PSD: variants seen among roughly 807,000 people sequenced by gnomAD.
The protein encoded by PSD is PH and SEC7 domain-containing protein 1.
Under a neutral mutation model 91.6 loss-of-function variants are expected in PSD, and 32 were observed. The observed-to-expected ratio is 0.35, with a 90% CI of 0.26 to 0.47. The LOEUF (loss-of-function observed/expected upper bound fraction) is 0.47, where lower values mean the gene tolerates loss of function less well. Ranked by LOEUF, PSD falls within the 20% of genes least tolerant of loss-of-function variation. The probability of loss-of-function intolerance (pLI) is 1.00; values close to 1 mark genes in which losing one functional copy is unlikely to be tolerated. For synonymous variants in PSD, 532 were observed against 569.3 expected, an observed-to-expected ratio of 0.93 and a Z score of 0.93; for missense variants, 1,099 against 1,373.9, an observed-to-expected ratio of 0.80 and a Z score of 3.16.
intron 10 of PSD, among the ~76,000 whole-genome samples, chr10:102,407,699 G>A (rs993024037): frequency 6.6e-6 from 1 of 152,102 alleles, no homozygotes; most frequent in African/African-American, 2.4e-5. Flanking sequence ...TCCACAGGAT[G>A]AGCCCACACA....
rs748763157 is a variant in PSD, at chr10:102,415,168, A to G, written c.819T>C (p.Ser273=). 1 of 1,613,266 alleles carries G rather than the reference A, an allele frequency of 6.2e-7. No individual in the cohort carries two copies. The highest frequency in any genetic ancestry group is 1.7e-5 in the Admixed American group (1 of 60,022). Residue 273 remains serine (S), a synonymous_variant, in exon 4 of 17, where the codon TCT becomes TCC. Coordinates refer to ENST00000020673, the MANE Select transcript of PSD (RefSeq NM_002779.5). ...SPPGVGSRQG[S]GVAVGRAAKY... is the part of the protein sequence containing the mutation. Reference sequence around the variant, plus strand: ...TGGCTGCTCGCCCCACAGCCACCCCAGAGCCCTGCCTTGAGCCCACCCCAG... The same window carrying G: ...TGGCTGCTCGCCCCACAGCCACCCCGGAGCCCTGCCTTGAGCCCACCCCAG...
chr10:102,415,927 G>A (rs917190374), intron 3 of PSD, 90 bp downstream of exon 3: 2 of 910,752 alleles, frequency 2.2e-6, no homozygotes, highest in African/African-American at 3.4e-5. Context: ...CCAAGGATTG[G>A]GGGAAGTTTG....
intron 1 of PSD, among the ~76,000 whole-genome samples, chr10:102,417,395 G>A (rs2061494027): frequency 1.3e-5 from 2 of 152,098 alleles, no homozygotes; most frequent in Admixed American, 6.5e-5. Context: ...CTTCAAAGTT[G>A]AGTGAGCCCG....
chr10:102,418,604 T>G, intron 1 of PSD, 97 bp downstream of exon 1: 1 of 420,230 alleles, frequency 2.4e-6, no homozygotes, highest in Non-Finnish European at 4.9e-6. Flanking sequence ...GGGGCAGAGG[T>G]CAGGAGTAGC....
Position 102,404,891 on chromosome 10 carries a change from C to T in PSD, c.2555+7G>A. On this transcript the variant is annotated splice_region_variant and intron_variant, in intron 14 of 16. Transcript: ENST00000020673. This position sits in a 1 kb window ranked among gnomAD's most constrained non-coding sequence, Gnocchi z 5.7. ...GGGTCCGGGATGGGCAGGAGGAGGG[C>T]ACTCACGGGGCCTGGAAGAGGAAGA... 3 of 1,611,536 alleles carry T rather than the reference C, an allele frequency of 1.9e-6. No homozygotes were observed. The highest frequency in any genetic ancestry group is 1.7e-6 in the Non-Finnish European group (2 of 1,178,784).
chr10:102,418,946 A>C (rs2061522086), upstream of PSD: 1 of 335,982 alleles, frequency 3.0e-6, no homozygotes, highest in South Asian at 2.1e-5. Context: ...CCGCCAACCT[A>C]AGACCCGCCC....
At chr10:102,408,136 G>A (rs534678812) in intron 10 of PSD, among the ~76,000 whole-genome samples, 15 of 152,184 alleles carry the variant, frequency 9.9e-5, no homozygotes, top group Admixed American at 2.0e-4. Flanking sequence ...GGGTACTTCC[G>A]TCAGCCTGTC....
In PSD at chr10:102,409,157, C is replaced by T. The variant is rs941265588; in HGVS notation, c.2091+1701G>A. On this transcript the variant is annotated intron_variant, in intron 10 of 16. Coordinates refer to ENST00000020673, the MANE Select transcript of PSD (RefSeq NM_002779.5). The surrounding 1 kb of genome is among the most constrained non-coding windows in gnomAD (Gnocchi z 5.7). ...CCGTCCGCCCTCGGCCCCCGGGCCG[C>T]CCGGACGGCCCGCGGACCGCTCCCC... is the stretch of plus-strand genomic sequence containing the variant. 2.0e-6 allele frequency: 2 copies of T among 980,460 alleles called. No homozygotes were observed. The highest frequency in any genetic ancestry group is 2.4e-6 in the Non-Finnish European group (2 of 828,088). The allele number at this position is 980,460 out of a possible 1,614,324, so 60.7% of individuals were successfully genotyped here.
At position 102,412,374 on chromosome 10, in the gene PSD, G is replaced by A. The variant is rs936298904; in HGVS notation, c.1748+7C>T. The stretch of plus-strand genomic sequence containing the variant: ...CCCCATCCTCAGTCCCAGCCTAGTG[G>A]CTTTACTTCTTGCCCAGGTGCCGGG... On this transcript the variant is annotated splice_region_variant and intron_variant, in intron 6 of 16. Coordinates refer to ENST00000020673, the MANE Select transcript of PSD (RefSeq NM_002779.5). The A allele has an allele frequency of 3.1e-6, 5 of 1,613,228 alleles. No homozygotes were observed. In the African/African-American group the frequency reaches 6.7e-5, roughly 22 times the overall value.
chr10:102,417,854 G>A (rs1032998645), intron 1 of PSD, among the ~76,000 whole-genome samples: 1 of 152,026 alleles, frequency 6.6e-6, no homozygotes, highest in African/African-American at 2.4e-5. Context: ...GATTACAGGC[G>A]CTCAGCACTA....
chr10:102,407,245 T>C lies in PSD; in HGVS notation c.2113A>G (p.Asn705Asp). 1 of 1,602,356 alleles carries C rather than the reference T, an allele frequency of 6.2e-7. No individual in the cohort carries two copies. Among genetic ancestry groups the C allele is most frequent in the Non-Finnish European group, 8.5e-7 (1 of 1,174,620 alleles). Residue 705 changes from asparagine to aspartate, a missense_variant, in exon 11 of 17, where the codon AAT (asparagine) becomes GAT (aspartate). Transcript: ENST00000020673. ...CACATGGCCCACTGCAGCTTCTCATTCTTGATGGAGCTGTACAAGGCCTGG... is the reference window on the plus strand; with the variant it reads ...CACATGGCCCACTGCAGCTTCTCATCCTTGATGGAGCTGTACAAGGCCTGG... ...LLKALYSSIKNEKLQWAIDEE... is the reference protein window; with the variant it reads ...LLKALYSSIKDEKLQWAIDEE...
chr10:102,413,156 G>C (rs1179374500), intron 5 of PSD, among the ~76,000 whole-genome samples: 2 of 152,144 alleles, frequency 1.3e-5, no homozygotes, highest in Non-Finnish European at 1.5e-5. Context: ...TCCCACCCCA[G>C]CTGCTCTACT....
chr10:102,410,900 C>T lies in PSD; in HGVS notation c.2049G>A (p.Glu683=). 5 of 1,614,054 alleles carry T rather than the reference C, an allele frequency of 3.1e-6. No homozygotes were observed. The highest frequency in any genetic ancestry group is 4.2e-6 in the Non-Finnish European group (5 of 1,179,934). Reference sequence around the variant, plus strand: ...GGAAGTCGCCGCCATCATTGAGGCCCTCCAGGTTCCCGATGAAGTCCCCGC... The same window carrying T: ...GGAAGTCGCCGCCATCATTGAGGCCTTCCAGGTTCCCGATGAAGTCCCCGC... ...MTCGDFIGNL[E]GLNDGGDFPR... The change falls in exon 10 of 17, where the codon GAG becomes GAA. Residue 683 remains glutamate (E), a synonymous_variant. Transcript: ENST00000020673. The surrounding 1 kb of genome is among the most constrained non-coding windows in gnomAD (Gnocchi z 6.0).
At chr10:102,419,934 G>T, upstream of PSD, 1 of 275,676 alleles carries the variant, frequency 3.6e-6, no homozygotes, top group Non-Finnish European at 7.1e-6. The surrounding 1 kb of genome is among the most constrained non-coding windows in gnomAD (Gnocchi z 4.8). Flanking sequence ...GCTGCCTTGC[G>T]GGGTGGGGAA....
Position 102,404,700 on chromosome 10 carries a change from G to C in PSD, c.2583C>G (p.Ile861Met). Residue 861 changes from isoleucine (I) to methionine (M), a missense_variant, in exon 15 of 17, where the codon ATC becomes ATG. Coordinates refer to ENST00000020673, the MANE Select transcript of PSD (RefSeq NM_002779.5). This position sits in a 1 kb window ranked among gnomAD's most constrained non-coding sequence, Gnocchi z 5.7. Reference sequence around the variant, plus strand: ...TAGCGGCTACTACATTGATGCGAGTGATCCAGGACTGCATCTGCTCCAGGC... The same window carrying C: ...TAGCGGCTACTACATTGATGCGAGTCATCCAGGACTGCATCTGCTCCAGGC... ...APSLEQMQSW[I>M]TRINVVAAMF... 2 of 1,588,706 alleles carry C rather than the reference G, an allele frequency of 1.3e-6. No individual in the cohort carries two copies. The highest frequency in any genetic ancestry group is 1.7e-6 in the Non-Finnish European group (2 of 1,164,660).
rs762804180 is a variant in PSD at position 102,412,202 on chromosome 10, C to T, written c.1774G>A (p.Gly592Arg). The change falls in exon 7 of 17, where the codon GGG becomes AGG. Residue 592 changes from glycine to arginine, a missense_variant. Gly to Arg is a moderately radical substitution (Grantham distance 125). Transcript: ENST00000020673. Reference sequence around the variant, plus strand: ...AAGACAAAGAACTTGAGGTACTCCCCAGCCACCAGTTTGCTGAAGTCATTG... The same window carrying T: ...AAGACAAAGAACTTGAGGTACTCCCTAGCCACCAGTTTGCTGAAGTCATTG... ...KNNDFSKLVA[G>R]EYLKFFVFTG... 1.2e-6 allele frequency: 2 copies of T among 1,614,198 alleles called. No homozygotes were observed. Among genetic ancestry groups the T allele is most frequent in the Non-Finnish European group, 8.5e-7 (1 of 1,180,028 alleles).
At chr10:102,413,028 C>G (rs558374376) in intron 5 of PSD, among the ~76,000 whole-genome samples, 1 of 152,252 alleles carries the variant, frequency 6.6e-6, no homozygotes, top group South Asian at 2.1e-4. Flanking sequence ...CCCCCTCCTG[C>G]TTTTTAGGGA....
chr10:102,418,601 A>G, intron 1 of PSD, 100 bp downstream of exon 1: 2 of 413,900 alleles, frequency 4.8e-6, no homozygotes, highest in East Asian at 7.4e-5. Context: ...GGAGGGGCAG[A>G]GGTCAGGAGT....
At chr10:102,419,801 C>A, upstream of PSD, 1 of 172,214 alleles carries the variant, frequency 5.8e-6, no homozygotes, top group Non-Finnish European at 1.3e-5. The surrounding 1 kb of genome is among the most constrained non-coding windows in gnomAD (Gnocchi z 4.8). Context: ...GTGGCTCTAT[C>A]TTTGCAGGGG....
Sources: gnomAD v4.1 joint callset for allele counts (sites outside exome capture counted in the v4.1 genomes callset) on GRCh38, gnomAD v4.1.1 for gene constraint, Gnocchi (gnomAD v3.1) non-coding constraint, MANE v1.5 for transcripts, NCBI Gene and HGNC (gene_info 2026-07-23, HGNC 2026-07-21) for gene names.